The following UNC13C variants were observed in gnomAD, a reference collection of about 807,000 sequenced individuals.
UNC13C encodes the protein unc-13 homolog C.
UNC13C carries 174 observed loss-of-function variants against 245.4 expected under a neutral mutation model. The observed-to-expected ratio is 0.71, with a 90% CI of 0.63 to 0.80. UNC13C has a LOEUF of 0.80. Ranked by LOEUF, UNC13C falls within the 30% of genes least tolerant of loss-of-function variation. UNC13C has a pLI of 0.00. For synonymous variants in UNC13C, 992 were observed against 895.1 expected, an observed-to-expected ratio of 1.11 and a Z score of -1.93; for missense variants, 2,829 against 2,602.9, an observed-to-expected ratio of 1.09 and a Z score of -1.89.
At chr15:53,936,166 A>G in the UNC13C span, among the ~76,000 whole-genome samples, 1 of 152,154 alleles carries the variant, frequency 6.6e-6, no homozygotes, top group African/African-American at 2.4e-5. Context: ...AGAGTCAGAC[A>G]CCATCTCTGC....
intron 4 of UNC13C, among the ~76,000 whole-genome samples, chr15:54,162,289 C>T (rs1481860123): frequency 1.3e-5 from 2 of 152,152 alleles, no homozygotes; most frequent in African/African-American, 4.8e-5. Context: ...ATTTCCTTGT[C>T]TGGTTCACTC....
the UNC13C span, among the ~76,000 whole-genome samples, chr15:53,972,215 C>A: frequency 6.6e-6 from 1 of 152,178 alleles, no homozygotes; most frequent in Non-Finnish European, 1.5e-5. Context: ...CACAGCTGAC[C>A]TAGAGTCAAC....
intron 13 of UNC13C, among the ~76,000 whole-genome samples, chr15:54,302,751 C>T (rs190087244): frequency 1.3e-5 from 2 of 152,188 alleles, no homozygotes; most frequent in Non-Finnish European, 2.9e-5. Context: ...CTTGGCTATG[C>T]TGGCTCTTTT....
intron 30 of UNC13C, among the ~76,000 whole-genome samples, chr15:54,568,822 C>G (rs1050008402): frequency 1.3e-5 from 2 of 152,086 alleles, no homozygotes; most frequent in Non-Finnish European, 2.9e-5. Flanking sequence ...ATTGTTTCCT[C>G]TTGGATACAT....
chr15:54,315,133 T>C (rs1322832045), intron 13 of UNC13C, among the ~76,000 whole-genome samples: 1 of 151,794 alleles, frequency 6.6e-6, no homozygotes, highest in Non-Finnish European at 1.5e-5. Flanking sequence ...TAGCTCTTTC[T>C]GCAGAAATCT....
chr15:53,850,097 T>C, the UNC13C span, among the ~76,000 whole-genome samples: 3 of 152,080 alleles, frequency 2.0e-5, no homozygotes, highest in Non-Finnish European at 4.4e-5. Context: ...GCCTTCATTT[T>C]TGAAAGACTT....
At chr15:54,325,760 G>C (rs1428479709) in intron 14 of UNC13C, among the ~76,000 whole-genome samples, 3 of 152,074 alleles carry the variant, frequency 2.0e-5, no homozygotes, top group African/African-American at 7.2e-5. Context: ...CATTCTGAAA[G>C]AAAGCGTGAA....
chr15:54,475,637 T>C (rs1892697548), intron 19 of UNC13C, among the ~76,000 whole-genome samples: 1 of 150,950 alleles, frequency 6.6e-6, no homozygotes, highest in Admixed American at 6.6e-5. Context: ...GGACATGAAC[T>C]CATCATTTTT....
intron 19 of UNC13C, among the ~76,000 whole-genome samples, chr15:54,451,344 T>A (rs1236139628): frequency 6.6e-6 from 1 of 152,164 alleles, no homozygotes; most frequent in Non-Finnish European, 1.5e-5. Flanking sequence ...GGATGTAAGC[T>A]TTACCTAATA....
chr15:54,372,503 C>A (rs1223636962), intron 17 of UNC13C, among the ~76,000 whole-genome samples: 1 of 152,186 alleles, frequency 6.6e-6, no homozygotes, highest in Non-Finnish European at 1.5e-5. Context: ...AAAATAACCA[C>A]ACTCTTGAAG....
At chr15:53,837,968 C>A in the UNC13C span, among the ~76,000 whole-genome samples, 3 of 152,204 alleles carry the variant, frequency 2.0e-5, no homozygotes, top group African/African-American at 7.2e-5. Context: ...ACTCTTTAAA[C>A]TTATTTAGCT....
At chr15:54,178,955 C>A (rs898241119) in intron 4 of UNC13C, among the ~76,000 whole-genome samples, 2 of 152,066 alleles carry the variant, frequency 1.3e-5, no homozygotes, top group South Asian at 2.1e-4. Context: ...GAAGGGCAAA[C>A]AGAAAAACCC....
intron 10 of UNC13C, among the ~76,000 whole-genome samples, chr15:54,288,226 T>C (rs2037199020): frequency 1.3e-5 from 2 of 152,152 alleles, no homozygotes; most frequent in South Asian, 2.1e-4. Context: ...TCTGGGTTAG[T>C]CAATCTTGTA....
intron 3 of UNC13C, 79 bp from the exon 4 acceptor site, chr15:54,143,541 G>T (rs1472068505): frequency 1.7e-6 from 2 of 1,149,784 alleles, no homozygotes; most frequent in African/African-American, 1.5e-5. Flanking sequence ...CAGCTGACCT[G>T]TGTCCCGATT....
At chr15:54,332,007 A>G in intron 14 of UNC13C, 36 bp from the exon 15 acceptor site, 1 of 1,439,220 alleles carries the variant, frequency 6.9e-7, no homozygotes, top group East Asian at 2.4e-5. Flanking sequence ...GTGGTCATTT[A>G]TTTCCATTCT....
chr15:54,505,646 A>G (rs1361421705), intron 22 of UNC13C, among the ~76,000 whole-genome samples: 1 of 148,244 alleles, frequency 6.7e-6, no homozygotes, highest in Non-Finnish European at 1.5e-5. Flanking sequence ...TGTACTTTGC[A>G]CACTCTCATT....
chr15:53,884,746 T>C, the UNC13C span, among the ~76,000 whole-genome samples: 3 of 152,188 alleles, frequency 2.0e-5, no homozygotes, highest in Admixed American at 1.3e-4. Context: ...TAGTTTTTAC[T>C]TGGACTTACT....
chr15:54,144,963 T>C (rs907590686), intron 4 of UNC13C, among the ~76,000 whole-genome samples: 4 of 151,958 alleles, frequency 2.6e-5, no homozygotes, highest in Admixed American at 2.6e-4. Context: ...ATATAGATTT[T>C]TGTTTTAAAA....
intron 26 of UNC13C, among the ~76,000 whole-genome samples, chr15:54,537,481 A>T (rs1896034626): frequency 6.6e-6 from 1 of 151,988 alleles, no homozygotes; most frequent in Non-Finnish European, 1.5e-5. Flanking sequence ...AGAAAAAAAA[A>T]ATTTCAAAAT....
Sources: allele counts gnomAD v4.1 joint callset (sites outside exome capture counted in the v4.1 genomes callset), GRCh38; gene constraint gnomAD v4.1.1; transcripts MANE v1.5; gene names NCBI Gene and HGNC (gene_info 2026-07-23, HGNC 2026-07-21).